Variants in CDK5RAP2 observed in about 807,000 individuals in gnomAD.
CDK5RAP2 encodes CDK5 regulatory subunit associated protein 2.
A neutral mutation model predicts 232.9 loss-of-function variants in CDK5RAP2; 147 were observed. That is an observed-to-expected ratio of 0.63 (90% CI 0.55 to 0.72). CDK5RAP2 has a LOEUF of 0.72. Among genes scored for constraint, CDK5RAP2 ranks in the 30% least tolerant of loss-of-function variants. The pLI, the probability that CDK5RAP2 is intolerant of heterozygous loss-of-function variation, is 0.00. For synonymous variants in CDK5RAP2, 833 were observed against 833.7 expected, an observed-to-expected ratio of 1.00 and a Z score of 0.01; for missense variants, 2,195 against 2,231.5, an observed-to-expected ratio of 0.98 and a Z score of 0.33.
chr9:120,417,532 G>A (rs1339924426), intron 27 of CDK5RAP2, among the ~76,000 whole-genome samples: 1 of 152,240 alleles, frequency 6.6e-6, no homozygotes, highest in African/African-American at 2.4e-5. Context: ...ATGACTGTGA[G>A]AAGGGGACAT....
intron 5 of CDK5RAP2, among the ~76,000 whole-genome samples, chr9:120,544,320 C>A (rs2041754368): frequency 1.3e-5 from 2 of 152,198 alleles, no homozygotes; most frequent in African/African-American, 4.8e-5. Context: ...CATTACTGAT[C>A]TTCAAGCTTG....
intron 18 of CDK5RAP2, among the ~76,000 whole-genome samples, chr9:120,467,433 T>A (rs1352022573): frequency 6.6e-6 from 1 of 152,136 alleles, no homozygotes. Flanking sequence ...AGGAAGCCTG[T>A]GGACAGACCT....
At chr9:120,560,856 A>G (rs1250838416) in intron 3 of CDK5RAP2, among the ~76,000 whole-genome samples, 1 of 152,002 alleles carries the variant, frequency 6.6e-6, no homozygotes, top group Non-Finnish European at 1.5e-5. Flanking sequence ...ACCCCAGGTG[A>G]TATGCCCGCC....
chr9:120,542,124 T>G (rs2041657408), intron 5 of CDK5RAP2, among the ~76,000 whole-genome samples: 1 of 151,184 alleles, frequency 6.6e-6, no homozygotes, highest in South Asian at 2.1e-4. Context: ...AAAAGGGGAG[T>G]TGAGGGTATC....
chr9:120,460,747 T>A (rs1409356596), intron 18 of CDK5RAP2, 80 bp from the exon 19 acceptor site: 1 of 1,573,296 alleles, frequency 6.4e-7, no homozygotes. Context: ...GTCAGTGATG[T>A]CTTTTTTTTT....
intron 19 of CDK5RAP2, among the ~76,000 whole-genome samples, chr9:120,459,437 T>C (rs2036963026): frequency 1.3e-5 from 2 of 152,190 alleles, no homozygotes; most frequent in South Asian, 2.1e-4. Context: ...CATCTCTCCA[T>C]ACTGGTGAAA....
chr9:120,519,187 G>T (rs1414117104), intron 11 of CDK5RAP2, among the ~76,000 whole-genome samples: 1 of 149,394 alleles, frequency 6.7e-6, no homozygotes, highest in South Asian at 2.1e-4. Context: ...AAAAAAAAAA[G>T]AAAAAAAGAA....
chr9:120,512,472 C>G (rs1319250486), intron 12 of CDK5RAP2, among the ~76,000 whole-genome samples: 1 of 152,148 alleles, frequency 6.6e-6, no homozygotes, highest in African/African-American at 2.4e-5. Context: ...TAAACCTCTG[C>G]AAGTATTTCT....
chr9:120,407,320 C>T lies in CDK5RAP2; in HGVS notation c.4727-72G>A, dbSNP rs569343103. ...GGGTCAGCCATCGAAGGAACTCAATCGCATTTTACACTCACCACCACCATC... is the reference window on the plus strand; with the variant it reads ...GGGTCAGCCATCGAAGGAACTCAATTGCATTTTACACTCACCACCACCATC... On this transcript the variant is annotated intron_variant, in intron 31 of 37. Transcript: ENST00000349780. The T allele has an allele frequency of 1.2e-5, 14 of 1,123,370 alleles. No individual in the cohort carries two copies. The East Asian group carries it at 1.6e-4, about 13-fold the overall frequency. The allele number at this position is 1,123,370 out of a possible 1,614,324, so 69.6% of individuals were successfully genotyped here. A position where few individuals can be genotyped will look rare whatever the true frequency, so the allele number is the denominator to read the frequency against.
At chr9:120,459,574 A>G (rs2036969720) in intron 19 of CDK5RAP2, among the ~76,000 whole-genome samples, 1 of 152,228 alleles carries the variant, frequency 6.6e-6, no homozygotes, top group Admixed American at 6.5e-5. Flanking sequence ...AAATGTCTAG[A>G]ATAATAAAAA....
chr9:120,389,249 C>A lies in CDK5RAP2; in HGVS notation c.5669G>T (p.Arg1890Ile), dbSNP rs767248166. The change falls in exon 38 of 38, where the codon AGA (arginine) becomes ATA (isoleucine). Residue 1890 changes from arginine to isoleucine, a missense_variant. Coordinates refer to ENST00000349780, the MANE Select transcript of CDK5RAP2 (RefSeq NM_018249.6). ...TGAAAGTTCTTCTCAGGAGCCTGGT[C>A]TGCTGGGACTGCATGTTCCTGGATG... ...GAHPGTCSPS[R>I]PGS The A allele has an allele frequency of 4.3e-6, 7 of 1,612,734 alleles. No homozygotes were observed. The highest frequency in any genetic ancestry group is 1.7e-5 in the Admixed American group (1 of 59,860).
chr9:120,560,906 C>T (rs963657446), intron 3 of CDK5RAP2, among the ~76,000 whole-genome samples: 4 of 151,874 alleles, frequency 2.6e-5, no homozygotes, highest in Middle Eastern at 3.2e-3. Context: ...TGTGAGCCAC[C>T]GCACCCAGCC....
chr9:120,439,650 C>G lies in CDK5RAP2; in HGVS notation c.3471G>C (p.Leu1157Phe), dbSNP rs2131328333. 2 of 1,614,220 alleles carry G rather than the reference C, an allele frequency of 1.2e-6. No homozygotes were observed. Among genetic ancestry groups the G allele is most frequent in the Non-Finnish European group, 1.7e-6 (2 of 1,180,050 alleles). Residue 1157 changes from leucine to phenylalanine, a missense_variant, in exon 24 of 38, where the codon TTG (leucine) becomes TTC (phenylalanine). By Grantham distance (22) the Leu-to-Phe change is conservative. Transcript: ENST00000349780. ...LCGTEGAQDG[L>F]SKPKNGSDGE... is the part of the protein sequence containing the mutation. ...CATCAGAACCATTCTTGGGCTTGCT[C>G]AAGCCATCCTGGGCCCCTTCTGTCC...
rs905102713 is a variant in CDK5RAP2, at chr9:120,576,057, G to A, written c.59+3863C>T. Among the ~76,000 whole-genome samples, 5 of 152,182 alleles carry A rather than the reference G, an allele frequency of 3.3e-5. No individual in the cohort carries two copies. In the East Asian group the frequency reaches 9.7e-4, roughly 29 times the overall value. On this transcript the variant is annotated intron_variant, in intron 1 of 37. Transcript: ENST00000349780. ...TTCTGTTCTATTTTTCTAAATCCTG[G>A]TTGCAACCTACTAAATTGAATTTCA...
At chr9:120,437,120 C>A (rs970689767) in intron 25 of CDK5RAP2, among the ~76,000 whole-genome samples, 175 bp downstream of exon 25, 1 of 152,142 alleles carries the variant, frequency 6.6e-6, no homozygotes, top group African/African-American at 2.4e-5. Flanking sequence ...GACCACAAGC[C>A]ATGTGGAAGT....
At chr9:120,432,862 C>A (rs2035364863) in intron 25 of CDK5RAP2, among the ~76,000 whole-genome samples, 1 of 152,190 alleles carries the variant, frequency 6.6e-6, no homozygotes, top group Non-Finnish European at 1.5e-5. Context: ...CAAGAAGAGG[C>A]CGACAGAAAA....
chr9:120,577,168 C>T (rs976657766), intron 1 of CDK5RAP2, among the ~76,000 whole-genome samples: 1 of 152,038 alleles, frequency 6.6e-6, no homozygotes, highest in Admixed American at 6.6e-5. Flanking sequence ...TCAAGACCAG[C>T]CTGGTCAACC....
At chr9:120,508,113 A>C (rs943719770) in intron 12 of CDK5RAP2, among the ~76,000 whole-genome samples, 1 of 151,972 alleles carries the variant, frequency 6.6e-6, no homozygotes, top group Non-Finnish European at 1.5e-5. Flanking sequence ...TCATCCATCA[A>C]ATTTCCACCT....
intron 18 of CDK5RAP2, among the ~76,000 whole-genome samples, chr9:120,461,358 T>C (rs16909805): frequency 0.044 from 6,629 of 152,336 alleles, 501 homozygotes; most frequent in African/African-American, 0.15. Flanking sequence ...CCAAAGCTTC[T>C]GAGTTCTACA....
Sources: allele counts gnomAD v4.1 joint callset (sites outside exome capture counted in the v4.1 genomes callset), GRCh38; gene constraint gnomAD v4.1.1; transcripts MANE v1.5; gene names NCBI Gene and HGNC (gene_info 2026-07-23, HGNC 2026-07-21).